Variants in CORIN observed in about 807,000 individuals in gnomAD.
The protein encoded by CORIN is atrial natriuretic peptide-converting enzyme.
Under a neutral mutation model 125.3 loss-of-function variants are expected in CORIN, and 117 were observed. The ratio of observed to expected loss-of-function variants is 0.93; its 90% CI spans 0.80 to 1.09. The LOEUF (loss-of-function observed/expected upper bound fraction) is 1.09. Among genes scored for constraint, CORIN ranks in the 50% least tolerant of loss-of-function variants. The pLI, the probability that CORIN is intolerant of heterozygous loss-of-function variation, is 0.00. For synonymous variants in CORIN, 450 were observed against 466.4 expected (o/e 0.96, Z 0.45); for missense variants, 1,253 against 1,306.7 (o/e 0.96, Z 0.63).
chr4:47,820,328 T>C (rs1732455592), intron 1 of CORIN, among the ~76,000 whole-genome samples: 1 of 151,740 alleles, frequency 6.6e-6, no homozygotes, highest in Admixed American at 6.6e-5. Flanking sequence ...GGGTCTGGGG[T>C]TTGAATGCCA....
chr4:47,724,953 C>G (rs1248838112), intron 5 of CORIN, among the ~76,000 whole-genome samples: 1 of 152,154 alleles, frequency 6.6e-6, no homozygotes. Context: ...GAGTGAACCA[C>G]AGAACTGGAA....
At chr4:47,711,446 G>A (rs1199034961) in intron 5 of CORIN, among the ~76,000 whole-genome samples, 3 of 152,164 alleles carry the variant, frequency 2.0e-5, no homozygotes, top group East Asian at 3.8e-4. Context: ...TCAAAGAGAC[G>A]TGCTGCCATG....
In CORIN at chr4:47,759,544, G is replaced by T. The variant is rs185416220; in HGVS notation, c.617+3835C>A. Reference sequence around the variant, plus strand: ...AAAACAAATCACCTGATGACAAAATGATCAAAAAAACCTGAATAGACATTT... The same window carrying T: ...AAAACAAATCACCTGATGACAAAATTATCAAAAAAACCTGAATAGACATTT... On this transcript the variant is annotated intron_variant, in intron 4 of 21. Transcript: ENST00000273857. 5.9e-5 allele frequency among the ~76,000 whole-genome samples: 9 copies of T among 152,018 alleles called. No individual in the cohort carries two copies. In the East Asian group the frequency reaches 1.7e-3, roughly 29 times the overall value.
At chr4:47,785,636 G>A (rs1730758290) in intron 3 of CORIN, among the ~76,000 whole-genome samples, 1 of 152,164 alleles carries the variant, frequency 6.6e-6, no homozygotes, top group African/African-American at 2.4e-5. Flanking sequence ...ATAGGGGGCT[G>A]GGTGCAGTGG....
At chr4:47,775,934 C>A (rs1730277053) in intron 3 of CORIN, among the ~76,000 whole-genome samples, 1 of 152,096 alleles carries the variant, frequency 6.6e-6, no homozygotes. Flanking sequence ...ACTCTGTTGC[C>A]CAGGCTGGAG....
chr4:47,613,763 T>A (rs1577737318), intron 19 of CORIN, among the ~76,000 whole-genome samples: 2 of 134,786 alleles, frequency 1.5e-5, no homozygotes, highest in African/African-American at 2.8e-5. Context: ...AACAATGAGA[T>A]CACATGGACA....
At chr4:47,821,575 T>C (rs891220431) in intron 1 of CORIN, among the ~76,000 whole-genome samples, 3 of 152,008 alleles carry the variant, frequency 2.0e-5, no homozygotes, top group Non-Finnish European at 4.4e-5. Flanking sequence ...TTATAAGAAG[T>C]TGATAAAAAG....
intron 1 of CORIN, among the ~76,000 whole-genome samples, chr4:47,807,661 T>C (rs1038806857): frequency 4.6e-5 from 7 of 152,210 alleles, no homozygotes; most frequent in South Asian, 2.1e-4. Flanking sequence ...CTGCCCATGC[T>C]ACCCCTGCAG....
At chr4:47,709,572 A>G (rs186013263) in intron 5 of CORIN, among the ~76,000 whole-genome samples, 1 of 152,288 alleles carries the variant, frequency 6.6e-6, no homozygotes, top group East Asian at 1.9e-4. Context: ...AATTACAGGC[A>G]TGAACCACTG....
chr4:47,674,030 G>A (rs1293104304), intron 10 of CORIN, among the ~76,000 whole-genome samples: 1 of 152,174 alleles, frequency 6.6e-6, no homozygotes, highest in Non-Finnish European at 1.5e-5. Flanking sequence ...CTTCATATTT[G>A]CTTCTTGGTT....
At chr4:47,697,067 C>G (rs61761817) in intron 5 of CORIN, among the ~76,000 whole-genome samples, 2,797 of 152,262 alleles carry the variant, frequency 0.018, 80 homozygotes, top group African/African-American at 0.063. Flanking sequence ...TGTCAGCGCT[C>G]CATTCTCCAT....
At chr4:47,717,241 C>T (rs1411022552) in intron 5 of CORIN, among the ~76,000 whole-genome samples, 1 of 152,136 alleles carries the variant, frequency 6.6e-6, no homozygotes, top group Admixed American at 6.5e-5. Flanking sequence ...CTCACGTATA[C>T]GAACCAGTAC....
chr4:47,825,675 C>G (rs907892720), intron 1 of CORIN, among the ~76,000 whole-genome samples: 1 of 151,050 alleles, frequency 6.6e-6, no homozygotes, highest in Non-Finnish European at 1.5e-5. Context: ...TAAAAATCAC[C>G]AGTAACTTTT....
chr4:47,758,873 T>C (rs1181834720), intron 4 of CORIN, among the ~76,000 whole-genome samples: 1 of 152,222 alleles, frequency 6.6e-6, no homozygotes, highest in Non-Finnish European at 1.5e-5. Flanking sequence ...TTCCCAGCCA[T>C]GCAGAACTGT....
intron 5 of CORIN, among the ~76,000 whole-genome samples, chr4:47,735,942 TAAAAAAAAAAAA>T (rs749270493): frequency 3.1e-5 from 3 of 96,384 alleles, no homozygotes; most frequent in Non-Finnish European, 4.1e-5. Flanking sequence ...GACTCCATCT[TAAAAAAAAAAAA>T]AAAAAAAAAA....
At chr4:47,638,480 G>GGTA (rs1723113050) in intron 16 of CORIN, among the ~76,000 whole-genome samples, 1 of 152,212 alleles carries the variant, frequency 6.6e-6, no homozygotes, top group Non-Finnish European at 1.5e-5. Flanking sequence ...GGAAACCAAT[G>GGTA]GGAGGTGATT....
At chr4:47,665,338 G>A in intron 10 of CORIN, 75 bp from the exon 11 acceptor site, 1 of 1,085,898 alleles carries the variant, frequency 9.2e-7, no homozygotes, top group Non-Finnish European at 1.4e-6. Context: ...TTACAAACTT[G>A]AAGTCTATTT....
At chr4:47,774,363 A>G (rs1273033078) in intron 3 of CORIN, among the ~76,000 whole-genome samples, 2 of 152,176 alleles carry the variant, frequency 1.3e-5, no homozygotes, top group Non-Finnish European at 1.5e-5. Flanking sequence ...GTGTGAAAGT[A>G]TGTTTAGTTC....
intron 11 of CORIN, among the ~76,000 whole-genome samples, chr4:47,663,056 T>C (rs771621480): frequency 3.3e-4 from 50 of 152,324 alleles, no homozygotes; most frequent in Middle Eastern, 3.4e-3. Context: ...CTATTTTAAA[T>C]TAGTCATATG....
Sources: allele counts gnomAD v4.1 joint callset (sites outside exome capture counted in the v4.1 genomes callset), GRCh38; gene constraint gnomAD v4.1.1; transcripts MANE v1.5; gene names NCBI Gene and HGNC (gene_info 2026-07-23, HGNC 2026-07-21).